Variants in NRG1 observed in about 807,000 individuals in gnomAD.
The protein encoded by NRG1 is neuregulin 1.
In NRG1, 18 loss-of-function variants were observed where a neutral mutation model predicts 63.8. The ratio of observed to expected loss-of-function variants is 0.28; its 90% CI spans 0.19 to 0.42. The LOEUF (loss-of-function observed/expected upper bound fraction) is 0.42. Among genes scored for constraint, NRG1 ranks in the 10% least tolerant of loss-of-function variants. The probability of loss-of-function intolerance (pLI) is 1.00; values close to 1 mark genes in which losing one functional copy is unlikely to be tolerated. For synonymous variants in NRG1, 302 were observed against 301.3 expected, an observed-to-expected ratio of 1.00 and a Z score of -0.02; for missense variants, 762 against 814.7, an observed-to-expected ratio of 0.94 and a Z score of 0.79.
intron 1 of NRG1, among the ~76,000 whole-genome samples, chr8:32,110,644 G>T (rs1157655957): frequency 2.6e-5 from 4 of 152,000 alleles, no homozygotes; most frequent in African/African-American, 9.7e-5. Flanking sequence ...ATCAAATAGG[G>T]TCTCCTTGGT....
chr8:32,406,282 T>C (rs1024922632), intron 1 of NRG1, among the ~76,000 whole-genome samples: 1 of 152,198 alleles, frequency 6.6e-6, no homozygotes, highest in African/African-American at 2.4e-5. Flanking sequence ...GGAACCAGAC[T>C]GTGTGGGTTT....
At chr8:32,056,351 A>G (rs1383450939) in intron 1 of NRG1, among the ~76,000 whole-genome samples, 1 of 152,136 alleles carries the variant, frequency 6.6e-6, no homozygotes, top group African/African-American at 2.4e-5. Context: ...TAGTCAAACA[A>G]TACTGCTTTA....
intron 1 of NRG1, among the ~76,000 whole-genome samples, chr8:32,569,903 AT>A (rs1413225113): frequency 1.4e-5 from 2 of 139,804 alleles, no homozygotes; most frequent in Non-Finnish European, 3.1e-5. Context: ...TCTGATAGTT[AT>A]CTTTTTTTTT....
intron 7 of NRG1, among the ~76,000 whole-genome samples, chr8:32,753,331 A>G (rs1394991890): frequency 6.6e-6 from 1 of 152,214 alleles, no homozygotes; most frequent in Non-Finnish European, 1.5e-5. Context: ...AACCTGACCT[A>G]CCTTAGTATA....
intron 1 of NRG1, among the ~76,000 whole-genome samples, chr8:32,270,197 A>T (rs1433773060): frequency 6.6e-6 from 1 of 152,208 alleles, no homozygotes; most frequent in African/African-American, 2.4e-5. Flanking sequence ...AAGTAATGAG[A>T]CGTTTTGCTA....
At chr8:32,730,465 T>C (rs1001529342) in intron 6 of NRG1, among the ~76,000 whole-genome samples, 1 of 151,722 alleles carries the variant, frequency 6.6e-6, no homozygotes, top group African/African-American at 2.4e-5. Context: ...AATAAATAAA[T>C]AGAATAAAAA....
intron 1 of NRG1, among the ~76,000 whole-genome samples, chr8:32,404,441 C>A (rs2129484860): frequency 6.6e-6 from 1 of 152,216 alleles, no homozygotes; most frequent in Non-Finnish European, 1.5e-5. Context: ...TAGCACCCTG[C>A]TTGGTATGCA....
At chr8:32,565,137 T>C (rs1837208958) in intron 1 of NRG1, among the ~76,000 whole-genome samples, 1 of 152,152 alleles carries the variant, frequency 6.6e-6, no homozygotes, top group Admixed American at 6.5e-5. Flanking sequence ...ACCATTCCCA[T>C]TCCCCTGTCA....
rs192410755 is a variant in NRG1 at position 32,326,632 on chromosome 8, C to T, written c.38-269196C>T. On this transcript the variant is annotated intron_variant, in intron 1 of 10. Coordinates refer to the NRG1 transcript ENST00000519301. ...GCATGAGCCACCACGCGCAGCCAGC[C>T]ATCACATTTTTAGATAAAACATCGA... is the stretch of plus-strand genomic sequence containing the variant. Among the ~76,000 whole-genome samples, 345 of 152,028 alleles carry T rather than the reference C, an allele frequency of 2.3e-3. 2 individuals are homozygous for T. Among genetic ancestry groups the T allele is most frequent in the African/African-American group, 8.1e-3 (335 of 41,484 alleles).
intron 3 of NRG1, among the ~76,000 whole-genome samples, chr8:32,607,704 T>C (rs1046723668): frequency 2.0e-5 from 3 of 152,166 alleles, no homozygotes; most frequent in Non-Finnish European, 2.9e-5. Flanking sequence ...GTGATCAAAT[T>C]TGAATATGTA....
At chr8:32,424,881 CAACA>C (rs1017850505) in intron 1 of NRG1, among the ~76,000 whole-genome samples, 10 of 151,974 alleles carry the variant, frequency 6.6e-5, no homozygotes, top group Middle Eastern at 3.4e-3. Context: ...ACAAAACAAA[CAACA>C]AACAAACAAA....
chr8:31,688,559 T>C (rs1016229020), intron 1 of NRG1, among the ~76,000 whole-genome samples: 14 of 152,226 alleles, frequency 9.2e-5, no homozygotes, highest in Non-Finnish European at 1.9e-4. Flanking sequence ...GAAATCTGTG[T>C]GTACTGATGA....
intron 1 of NRG1, among the ~76,000 whole-genome samples, chr8:31,819,650 C>T (rs1823813480): frequency 6.6e-6 from 1 of 152,190 alleles, no homozygotes; most frequent in South Asian, 2.1e-4. Context: ...TTAGGAACCT[C>T]ACCCTATCAA....
intron 1 of NRG1, among the ~76,000 whole-genome samples, chr8:32,349,346 T>C (rs1010872846): frequency 2.0e-5 from 3 of 152,200 alleles, no homozygotes; most frequent in Non-Finnish European, 4.4e-5. Context: ...GCACTTGTTT[T>C]TGAATTTTTT....
chr8:31,874,823 A>G (rs1394269837), intron 1 of NRG1, among the ~76,000 whole-genome samples: 1 of 149,496 alleles, frequency 6.7e-6, no homozygotes, highest in Non-Finnish European at 1.5e-5. Context: ...TGTCTCCCTC[A>G]TTTCTGTGTA....
chr8:31,883,320 A>C (rs749139180), intron 1 of NRG1, among the ~76,000 whole-genome samples: 5 of 152,166 alleles, frequency 3.3e-5, no homozygotes, highest in African/African-American at 1.2e-4. Context: ...GTTATTGCAC[A>C]CTTAATAGAC....
intron 1 of NRG1, among the ~76,000 whole-genome samples, chr8:32,354,682 A>T (rs1456601780): frequency 6.6e-6 from 1 of 151,266 alleles, no homozygotes; most frequent in East Asian, 2.0e-4. Context: ...TAAGGCCAGG[A>T]GTTTGAGACA....
At chr8:31,970,369 T>C (rs1807076774) in intron 1 of NRG1, among the ~76,000 whole-genome samples, 1 of 152,324 alleles carries the variant, frequency 6.6e-6, no homozygotes, top group African/African-American at 2.4e-5. Context: ...TGGACATTGC[T>C]ACCCTCTCCT....
intron 1 of NRG1, among the ~76,000 whole-genome samples, chr8:31,693,187 T>C (rs1809709047): frequency 6.6e-6 from 1 of 152,164 alleles, no homozygotes; most frequent in South Asian, 2.1e-4. Context: ...TGCAAAGGGA[T>C]TCCAAAGCTC....
Sources: allele counts gnomAD v4.1 joint callset (sites outside exome capture counted in the v4.1 genomes callset), GRCh38; gene constraint gnomAD v4.1.1; transcripts MANE v1.5; gene names NCBI Gene and HGNC (gene_info 2026-07-23, HGNC 2026-07-21).